ADGRB3: variants seen among roughly 807,000 people sequenced by gnomAD.
The protein encoded by ADGRB3 is brain-specific angiogenesis inhibitor 3.
ADGRB3 carries 37 observed loss-of-function variants against 193.4 expected under a neutral mutation model. The observed-to-expected ratio is 0.19, with a 90% CI of 0.15 to 0.25. The LOEUF is 0.25. Ranked by LOEUF, ADGRB3 falls within the 10% of genes least tolerant of loss-of-function variation. ADGRB3 has a pLI of 1.00. For missense variants in ADGRB3, 1,637 were observed against 1,852.9 expected (o/e 0.88, Z 2.14); for synonymous variants, 690 against 644.2 (o/e 1.07, Z -1.08).
At chr6:69,351,415 A>C (rs1769224240) in intron 26 of ADGRB3, among the ~76,000 whole-genome samples, 1 of 152,100 alleles carries the variant, frequency 6.6e-6, no homozygotes, top group South Asian at 2.1e-4. Flanking sequence ...TTAAGATTAA[A>C]AAAATAAATA....
In ADGRB3 at chr6:69,079,889, A is replaced by T. The variant is rs529358860; in HGVS notation, c.2480+3851A>T. 3.3e-5 allele frequency among the ~76,000 whole-genome samples: 5 copies of T among 152,132 alleles called. No homozygotes were observed. The South Asian group carries it at 1.0e-3, about 32-fold the overall frequency. ...TGTTTCGTTAATCCATTTGTAATTT[A>T]TTTACCTATCTTGTTGTTGAAAACA... On this transcript the variant is annotated intron_variant, in intron 17 of 31. Transcript: ENST00000370598.
At chr6:69,242,619 G>T (rs1376378357) in intron 20 of ADGRB3, among the ~76,000 whole-genome samples, 3 of 151,876 alleles carry the variant, frequency 2.0e-5, no homozygotes, top group Non-Finnish European at 2.9e-5. Flanking sequence ...TAAACAAGCT[G>T]AAATAATCCA....
chr6:69,161,080 G>A (rs1057391975), intron 17 of ADGRB3, among the ~76,000 whole-genome samples: 1 of 152,056 alleles, frequency 6.6e-6, no homozygotes, highest in African/African-American at 2.4e-5. Flanking sequence ...AGTGGGAATA[G>A]TAATACTACC....
chr6:69,086,423 T>C (rs979008010), intron 17 of ADGRB3, among the ~76,000 whole-genome samples: 15 of 152,112 alleles, frequency 9.9e-5, no homozygotes, highest in Admixed American at 3.3e-4. Context: ...TTTTCACTAG[T>C]GTAGTAAGCT....
intron 29 of ADGRB3, among the ~76,000 whole-genome samples, chr6:69,370,885 A>G (rs1296057729): frequency 6.6e-6 from 1 of 152,138 alleles, no homozygotes; most frequent in African/African-American, 2.4e-5. Flanking sequence ...TTAGTCTAGC[A>G]TATTGCAGCA....
intron 13 of ADGRB3, among the ~76,000 whole-genome samples, chr6:69,037,356 G>A (rs1432924447): frequency 6.6e-6 from 1 of 152,130 alleles, no homozygotes; most frequent in Non-Finnish European, 1.5e-5. Flanking sequence ...TTTATGAATT[G>A]TCTGTGGCTG....
At chr6:69,128,511 T>G (rs1773915741) in intron 17 of ADGRB3, among the ~76,000 whole-genome samples, 1 of 152,286 alleles carries the variant, frequency 6.6e-6, no homozygotes, top group East Asian at 1.9e-4. Flanking sequence ...GCCTTTCTAC[T>G]GAGGTCTTTT....
chr6:69,197,360 A>C (rs955412503), intron 17 of ADGRB3, among the ~76,000 whole-genome samples: 4 of 151,998 alleles, frequency 2.6e-5, no homozygotes, highest in African/African-American at 9.7e-5. Flanking sequence ...TAGTAACAGG[A>C]TTTATGTTGG....
intron 3 of ADGRB3, among the ~76,000 whole-genome samples, chr6:68,824,442 A>G (rs1767805082): frequency 6.7e-6 from 1 of 149,504 alleles, no homozygotes; most frequent in Non-Finnish European, 1.5e-5. Context: ...ATATAAATAC[A>G]TACATATTTA....
chr6:69,096,753 G>T (rs1319898696), intron 17 of ADGRB3, among the ~76,000 whole-genome samples: 1 of 152,156 alleles, frequency 6.6e-6, no homozygotes, highest in Non-Finnish European at 1.5e-5. Flanking sequence ...GTAGGTCTCA[G>T]CTTCACTGTA....
chr6:69,301,891 T>C (rs1767956424), intron 20 of ADGRB3, among the ~76,000 whole-genome samples: 1 of 151,988 alleles, frequency 6.6e-6, no homozygotes, highest in South Asian at 2.1e-4. Context: ...CTAATATAAT[T>C]CAAGAAAATG....
intron 3 of ADGRB3, among the ~76,000 whole-genome samples, chr6:68,911,980 G>A (rs920646076): frequency 1.4e-4 from 21 of 151,510 alleles, no homozygotes; most frequent in Non-Finnish European, 2.5e-4. Flanking sequence ...GAAACTACTG[G>A]GTTTGAGAAA....
In ADGRB3 at chr6:68,817,315, A is replaced by G. The variant is rs1332831445; in HGVS notation, c.758-113244A>G. 2.6e-3 allele frequency among the ~76,000 whole-genome samples: 76 copies of G among 29,406 alleles called. 2 individuals carry two copies. Among genetic ancestry groups the G allele is most frequent in the Middle Eastern group, 0.029 (2 of 70 alleles). The allele number at this position is 29,406 out of a possible 152,430, so 19.3% of individuals were successfully genotyped here. ...TATTCCCTTTTGTCCATGTATATAT[A>G]TATATATATATATATATATATATAT... On this transcript the variant is annotated intron_variant, in intron 3 of 31. Coordinates refer to ENST00000370598, the MANE Select transcript of ADGRB3 (RefSeq NM_001704.3).
At chr6:69,282,683 G>T (rs990468194) in intron 20 of ADGRB3, among the ~76,000 whole-genome samples, 1 of 152,050 alleles carries the variant, frequency 6.6e-6, no homozygotes, top group Admixed American at 6.6e-5. Context: ...ATATTTATTG[G>T]GTGACTATAA....
intron 3 of ADGRB3, among the ~76,000 whole-genome samples, chr6:68,665,328 C>A (rs9454606): frequency 0.014 from 2,104 of 151,564 alleles, 53 homozygotes; most frequent in African/African-American, 0.046. Flanking sequence ...TTTTCTTTCT[C>A]TTTATATTTG....
At chr6:69,023,873 A>C (rs1770344540) in intron 13 of ADGRB3, among the ~76,000 whole-genome samples, 1 of 152,104 alleles carries the variant, frequency 6.6e-6, no homozygotes, top group Non-Finnish European at 1.5e-5. Context: ...AATTGATAGG[A>C]TTCCATAACT....
At chr6:69,368,123 T>C (rs1011683658) in intron 29 of ADGRB3, among the ~76,000 whole-genome samples, 2 of 152,034 alleles carry the variant, frequency 1.3e-5, no homozygotes, top group African/African-American at 4.8e-5. Flanking sequence ...TGTGCACATG[T>C]ACCCTAAAAC....
In ADGRB3 at chr6:68,783,313, A is replaced by T. The variant is rs527642387; in HGVS notation, c.757+143881A>T. On this transcript the variant is annotated intron_variant, in intron 3 of 31. Coordinates refer to ENST00000370598, the MANE Select transcript of ADGRB3 (RefSeq NM_001704.3). ...CTAAATATATATATATATATAACAT[A>T]CATATATATAATATATATATAATAT... Among the ~76,000 whole-genome samples, 119 of 145,422 alleles carry T rather than the reference A, an allele frequency of 8.2e-4. 1 individual carries two copies. Among genetic ancestry groups the T allele is most frequent in the Non-Finnish European group, 1.6e-3 (108 of 66,048 alleles).
At chr6:68,887,427 C>G (rs1053752959) in intron 3 of ADGRB3, among the ~76,000 whole-genome samples, 1 of 152,028 alleles carries the variant, frequency 6.6e-6, no homozygotes, top group African/African-American at 2.4e-5. Context: ...TTTTGAACTG[C>G]CTGTTCACAT....
Sources: allele counts gnomAD v4.1 joint callset (sites outside exome capture counted in the v4.1 genomes callset), GRCh38; gene constraint gnomAD v4.1.1; transcripts MANE v1.5; gene names NCBI Gene and HGNC (gene_info 2026-07-23, HGNC 2026-07-21).